ETV6: variants seen among roughly 807,000 people sequenced by gnomAD.
ETV6 encodes ETS variant transcription factor 6, also known as transcription factor ETV6.
In ETV6, 16 loss-of-function variants were observed where a neutral mutation model predicts 51.1. The ratio of observed to expected loss-of-function variants is 0.31; its 90% confidence interval spans 0.21 to 0.48. The LOEUF is 0.48. Ranked by LOEUF, ETV6 falls within the 20% of genes least tolerant of loss-of-function variation. The probability of loss-of-function intolerance (pLI) is 0.99; values close to 1 mark genes in which losing one functional copy is unlikely to be tolerated. For missense variants in ETV6, 458 were observed against 594.8 expected, an observed-to-expected ratio of 0.77 and a Z score of 2.39; for synonymous variants, 240 against 224.1, an observed-to-expected ratio of 1.07 and a Z score of -0.64.
intron 2 of ETV6, among the ~76,000 whole-genome samples, chr12:11,795,223 G>C (rs544381100): frequency 6.6e-6 from 1 of 152,368 alleles, no homozygotes; most frequent in South Asian, 2.1e-4. Flanking sequence ...CTGTTATTTG[G>C]TTAAAGCAGA....
At chr12:11,725,153 T>A (rs1865465057) in intron 1 of ETV6, among the ~76,000 whole-genome samples, 1 of 134,266 alleles carries the variant, frequency 7.4e-6, no homozygotes, top group Non-Finnish European at 1.6e-5. Flanking sequence ...TTATCTTTCT[T>A]TTTAGCTGTT....
At position 11,836,358 on chromosome 12, in the gene ETV6, G is replaced by GT. The variant is rs144164037; in HGVS notation, c.164-2781dup. 3.6e-3 allele frequency among the ~76,000 whole-genome samples: 543 copies of GT among 152,324 alleles called. 7 individuals are homozygous for GT. Among genetic ancestry groups the GT allele is most frequent in the African/African-American group, 0.012 (517 of 41,572 alleles). On this transcript the variant is annotated intron_variant, in intron 2 of 7. Transcript: ENST00000396373. ...GCAGCGACGCTGATAAATGTATTGA[G>GT]TGGCCTCGAGCAGGTGGCTTGCTCT...
Position 11,869,623 on chromosome 12 carries a change from C to G in ETV6, c.663C>G (p.Pro221=), listed in dbSNP as rs1386099931. 31 of 1,614,078 alleles carry G rather than the reference C, an allele frequency of 1.9e-5. No homozygotes were observed. In the Admixed American group the frequency reaches 5.2e-4, roughly 27 times the overall value. Residue 221 remains proline, a synonymous_variant, in exon 5 of 8, where the codon CCC becomes CCG. Coordinates refer to ENST00000396373, the MANE Select transcript of ETV6 (RefSeq NM_001987.5). This position sits in a 1 kb window ranked among gnomAD's most constrained non-coding sequence, Gnocchi z 5.0. ...CCCCGGCTGAGAGAGCTCAGGGACC[C>G]AGGCCGCACCAGGAGAACAACCACC... The part of the protein sequence containing the change: ...RLSPAERAQG[P]RPHQENNHQE...
intron 2 of ETV6, among the ~76,000 whole-genome samples, chr12:11,797,434 A>C (rs2136397136): frequency 6.6e-6 from 1 of 152,324 alleles, no homozygotes; most frequent in South Asian, 2.1e-4. Context: ...TTAACCTTAG[A>C]AACAAAGAGC....
chr12:11,853,335 G>A, intron 3 of ETV6, 92 bp from the exon 4 acceptor site: 2 of 1,482,332 alleles, frequency 1.3e-6, no homozygotes, highest in Non-Finnish European at 1.9e-6. Context: ...TGTATCTTTG[G>A]CACCGTGCCA....
At chr12:11,758,371 A>G (rs1019248052) in intron 2 of ETV6, among the ~76,000 whole-genome samples, 3 of 152,180 alleles carry the variant, frequency 2.0e-5, no homozygotes, top group African/African-American at 2.4e-5. Context: ...TAGCCTGTTG[A>G]GGAGGTGGCT....
intron 2 of ETV6, among the ~76,000 whole-genome samples, chr12:11,805,627 G>C (rs1386825880): frequency 2.0e-5 from 3 of 152,210 alleles, no homozygotes; most frequent in Admixed American, 2.0e-4. Flanking sequence ...GAGGGGAACA[G>C]AGCCTGTGAA....
intron 4 of ETV6, among the ~76,000 whole-genome samples, chr12:11,862,424 G>A (rs1161671419): frequency 3.3e-5 from 5 of 152,162 alleles, no homozygotes; most frequent in Admixed American, 6.5e-5. Flanking sequence ...TACCCCAAAC[G>A]GGGTGGCTTA....
intron 2 of ETV6, among the ~76,000 whole-genome samples, chr12:11,802,115 C>T (rs1945758845): frequency 6.6e-6 from 1 of 152,196 alleles, no homozygotes; most frequent in Non-Finnish European, 1.5e-5. Flanking sequence ...TAGGCCACTG[C>T]CGGGGGCTGA....
chr12:11,673,787 T>G (rs1157913108), intron 1 of ETV6, among the ~76,000 whole-genome samples: 1 of 152,210 alleles, frequency 6.6e-6, no homozygotes, highest in Non-Finnish European at 1.5e-5. Flanking sequence ...AGATATTATC[T>G]GTGACTGTTG....
chr12:11,885,878 C>A, intron 6 of ETV6, 48 bp from the exon 7 acceptor site: 1 of 1,393,974 alleles, frequency 7.2e-7, no homozygotes, highest in South Asian at 1.2e-5. Context: ...AGGTTCATTT[C>A]ATTGTGTCTT....
At chr12:11,672,237 C>T (rs983357686) in intron 1 of ETV6, among the ~76,000 whole-genome samples, 2 of 152,022 alleles carry the variant, frequency 1.3e-5, no homozygotes, top group Admixed American at 6.6e-5. Context: ...AACTCCCAAC[C>T]CAAATCGAAT....
chr12:11,746,374 G>A (rs539063110), intron 1 of ETV6, among the ~76,000 whole-genome samples: 59 of 152,276 alleles, frequency 3.9e-4, no homozygotes, highest in African/African-American at 1.1e-3. Context: ...TCCTCATTGC[G>A]GAATGGAGAT....
intron 1 of ETV6, among the ~76,000 whole-genome samples, chr12:11,657,679 G>C (rs1398373747): frequency 6.6e-6 from 1 of 152,220 alleles, no homozygotes; most frequent in Non-Finnish European, 1.5e-5. Flanking sequence ...GTGGGAGTCA[G>C]ATATACGGAA....
chr12:11,755,805 G>A (rs948350416), intron 2 of ETV6, among the ~76,000 whole-genome samples: 1 of 152,126 alleles, frequency 6.6e-6, no homozygotes, highest in Non-Finnish European at 1.5e-5. Context: ...TAAGTCCAAG[G>A]CACTTGTAGC....
chr12:11,671,269 A>G (rs1275862755), intron 1 of ETV6, among the ~76,000 whole-genome samples: 1 of 152,196 alleles, frequency 6.6e-6, no homozygotes, highest in African/African-American at 2.4e-5. Flanking sequence ...GGTTTGCTGT[A>G]CAATGCTTTG....
intron 4 of ETV6, among the ~76,000 whole-genome samples, chr12:11,860,310 G>T (rs1703073886): frequency 6.6e-6 from 1 of 152,150 alleles, no homozygotes; most frequent in Non-Finnish European, 1.5e-5. Context: ...TGACATCTTT[G>T]TTACACATAT....
At chr12:11,788,412 G>A (rs1429708855) in intron 2 of ETV6, among the ~76,000 whole-genome samples, 1 of 152,124 alleles carries the variant, frequency 6.6e-6, no homozygotes, top group African/African-American at 2.4e-5. Flanking sequence ...AGTGGTCTAG[G>A]AAGTATAGCA....
intron 4 of ETV6, among the ~76,000 whole-genome samples, chr12:11,858,795 C>G (rs1303008990): frequency 6.6e-6 from 1 of 151,616 alleles, no homozygotes; most frequent in East Asian, 1.9e-4. Flanking sequence ...TGGGACAGCT[C>G]TTTATCACAA....
Sources: allele counts gnomAD v4.1 joint callset (sites outside exome capture counted in the v4.1 genomes callset), GRCh38; gene constraint gnomAD v4.1.1; non-coding constraint Gnocchi (gnomAD v3.1); transcripts MANE v1.5; gene names NCBI Gene and HGNC (gene_info 2026-07-23, HGNC 2026-07-21).